The following FBXO7 variants were observed in gnomAD, a reference collection of about 807,000 sequenced individuals.
FBXO7 encodes the protein F-box only protein 7.
In FBXO7, 31 loss-of-function variants were observed where a neutral mutation model predicts 50.2. The ratio of observed to expected loss-of-function variants is 0.62; its 90% CI spans 0.46 to 0.83. The LOEUF (loss-of-function observed/expected upper bound fraction) is 0.83, where lower values mean the gene tolerates loss of function less well. Ranked by LOEUF, FBXO7 falls within the 40% of genes least tolerant of loss-of-function variation. The pLI, the probability that FBXO7 is intolerant of heterozygous loss-of-function variation, is 0.00. For synonymous variants in FBXO7, 256 were observed against 253.1 expected (o/e 1.01, Z -0.11); for missense variants, 667 against 646.6 (o/e 1.03, Z -0.34).
intron 3 of FBXO7, among the ~76,000 whole-genome samples, chr22:32,484,520 G>A (rs916215208): frequency 1.3e-5 from 2 of 152,182 alleles, no homozygotes; most frequent in African/African-American, 4.8e-5. Context: ...AGCATGCCAT[G>A]CACTGACCTA....
chr22:32,475,236 A>G, intron 1 of FBXO7, 112 bp downstream of exon 1: 6 of 1,524,540 alleles, frequency 3.9e-6, no homozygotes, highest in Non-Finnish European at 5.3e-6. Context: ...GCCGGGCGAT[A>G]GGCCAAGTGC....
At chr22:32,498,103 ACTTAC>A (rs781617423) in intron 8 of FBXO7, 36 bp from the exon 9 acceptor site, 2 of 1,603,788 alleles carry the variant, frequency 1.2e-6, no homozygotes, top group Admixed American at 3.3e-5. Context: ...CATCCAGATC[ACTTAC>A]CTTATCTTGT....
At chr22:32,491,417 G>T in intron 6 of FBXO7, 1 of 450,482 alleles carries the variant, frequency 2.2e-6, no homozygotes, top group East Asian at 4.5e-5. Flanking sequence ...TTGTTGATAT[G>T]ATTTCTTTCC....
chr22:32,475,413 C>T (rs769820851), intron 1 of FBXO7: 1 of 1,610,998 alleles, frequency 6.2e-7, no homozygotes, highest in Non-Finnish European at 8.5e-7. Context: ...GTCATGGCTT[C>T]TGGTTTTGCA....
At chr22:32,492,199 A>G (rs996657715) in intron 6 of FBXO7, 1 of 152,226 alleles carries the variant, frequency 6.6e-6, no homozygotes, top group Admixed American at 6.5e-5. Context: ...ATATGAATAG[A>G]TAGTGGCTTT....
intron 7 of FBXO7, among the ~76,000 whole-genome samples, 165 bp from the exon 8 acceptor site, chr22:32,495,328 G>A (rs1268555888): frequency 1.3e-5 from 2 of 150,322 alleles, no homozygotes; most frequent in Non-Finnish European, 1.5e-5. Context: ...AATTAGATAA[G>A]AAAGTACAAA....
intron 8 of FBXO7, among the ~76,000 whole-genome samples, chr22:32,495,884 A>G (rs1019022917): frequency 2.0e-5 from 3 of 152,230 alleles, no homozygotes; most frequent in Non-Finnish European, 2.9e-5. Context: ...GTACTATTCT[A>G]ATGTCTCTAT....
chr22:32,495,529 A>G lies in FBXO7; in HGVS notation c.1181A>G (p.Glu394Gly). ...TVRVQDTDWK[E>G]LYRKRHIQRK... ...AGAGTTCAAGACACAGATTGGAAAGAAGTAGGTATTTTTAAATATTAAGAC... is the reference window on the plus strand; with the variant it reads ...AGAGTTCAAGACACAGATTGGAAAGGAGTAGGTATTTTTAAATATTAAGAC... Residue 394 changes from glutamate (E) to glycine (G), a missense_variant and splice_region_variant, in exon 8 of 9, where the codon GAA becomes GGA. Physicochemically the swap from Glu to Gly is moderately conservative, Grantham distance 98. Coordinates refer to ENST00000266087, the MANE Select transcript of FBXO7 (RefSeq NM_012179.4). 1 of 1,546,162 alleles carries G rather than the reference A, an allele frequency of 6.5e-7. No homozygotes were observed. Among genetic ancestry groups the G allele is most frequent in the Non-Finnish European group, 8.9e-7 (1 of 1,125,784 alleles).
intron 1 of FBXO7, chr22:32,476,104 G>A (rs940864593): frequency 6.6e-6 from 1 of 151,934 alleles, no homozygotes; most frequent in African/African-American, 2.4e-5. Flanking sequence ...TTATTTTTAG[G>A]GAATTGGGTA....
rs1186144924 is a variant in FBXO7, at chr22:32,483,995, T to C, written c.516T>C (p.Ser172=). ...GFYPSEPMLC[S]ESVEGQVPHS... is the part of the protein sequence containing the mutation. ...ATCCCTCAGAACCCATGCTCTGTAG[T>C]GAATCGGTGGAAGGGCAAGTGCCAC... Residue 172 remains serine, a synonymous_variant, in exon 3 of 9, where the codon AGT becomes AGC. Coordinates refer to ENST00000266087, the MANE Select transcript of FBXO7 (RefSeq NM_012179.4). 1 of 1,614,192 alleles carries C rather than the reference T, an allele frequency of 6.2e-7. No homozygotes were observed.
chr22:32,498,084 A>G, intron 8 of FBXO7, 60 bp from the exon 9 acceptor site: 1 of 1,573,256 alleles, frequency 6.4e-7, no homozygotes. Flanking sequence ...AATTAGAACT[A>G]AAGGGAAACA....
At chr22:32,497,949 C>T (rs1192396655) in intron 8 of FBXO7, among the ~76,000 whole-genome samples, 195 bp from the exon 9 acceptor site, 4 of 152,164 alleles carry the variant, frequency 2.6e-5, no homozygotes, top group African/African-American at 9.7e-5. Context: ...ATAGTGTAAA[C>T]ATAGCATAGC....
rs1190819881 is a variant in FBXO7, at chr22:32,479,141, C to T, written c.283C>T (p.His95Tyr). ...PNIPSSTDSEHSSLQNNEQPS... is the reference protein window; with the variant it reads ...PNIPSSTDSEYSSLQNNEQPS... ...TATACCTTCATCCACAGATTCAGAGCATTCTTCACTCCAGAATAATGAGCA... is the reference window on the plus strand; with the variant it reads ...TATACCTTCATCCACAGATTCAGAGTATTCTTCACTCCAGAATAATGAGCA... The change falls in exon 2 of 9, where the codon CAT becomes TAT. Residue 95 changes from histidine to tyrosine, a missense_variant. Coordinates refer to ENST00000266087, the MANE Select transcript of FBXO7 (RefSeq NM_012179.4). 2 of 1,614,136 alleles carry T rather than the reference C, an allele frequency of 1.2e-6. No homozygotes were observed. The highest frequency in any genetic ancestry group is 3.3e-5 in the Admixed American group (2 of 60,012).
At chr22:32,475,233 G>T (rs1242510206) in intron 1 of FBXO7, 109 bp downstream of exon 1, 2 of 1,523,602 alleles carry the variant, frequency 1.3e-6, no homozygotes, top group Non-Finnish European at 1.8e-6. Flanking sequence ...GTGGCCGGGC[G>T]ATAGGCCAAG....
rs536906342 is a variant in FBXO7 at position 32,482,060 on chromosome 22, T to C, written c.418-1837T>C. 2.0e-5 allele frequency among the ~76,000 whole-genome samples: 3 copies of C among 152,296 alleles called. No homozygotes were observed. In the South Asian group the frequency reaches 6.2e-4, roughly 32 times the overall value. On this transcript the variant is annotated intron_variant, in intron 2 of 8. Transcript: ENST00000266087. The stretch of plus-strand genomic sequence containing the variant: ...GTACCCTTTTTCATTTTTCCTCATA[T>C]ATTCTGTCCCACACAACTGCCAATA...
intron 2 of FBXO7, among the ~76,000 whole-genome samples, chr22:32,481,121 G>A (rs950324200): frequency 3.3e-5 from 5 of 151,888 alleles, no homozygotes; most frequent in Admixed American, 2.6e-4. Flanking sequence ...AAGTATTCAT[G>A]GTAACTTGTC....
intron 2 of FBXO7, among the ~76,000 whole-genome samples, chr22:32,481,169 A>G (rs2057462415): frequency 6.6e-6 from 1 of 151,776 alleles, no homozygotes; most frequent in Non-Finnish European, 1.5e-5. Context: ...AATACTTTTT[A>G]ATAGATTGGT....
At chr22:32,488,015 GTTTGT>G in intron 5 of FBXO7, 187 bp downstream of exon 5, 2 of 555,102 alleles carry the variant, frequency 3.6e-6, no homozygotes, top group Non-Finnish European at 6.5e-6. Context: ...AATTTGAGGA[GTTTGT>G]TTCTTTCCTG....
intron 1 of FBXO7, 24 bp downstream of exon 1, chr22:32,475,148 G>A: frequency 6.5e-7 from 1 of 1,535,924 alleles, no homozygotes; most frequent in African/African-American, 1.4e-5. Context: ...GGGGCTGGGC[G>A]GCCCGCGGGG....
Sources: allele counts gnomAD v4.1 joint callset (sites outside exome capture counted in the v4.1 genomes callset), GRCh38; gene constraint gnomAD v4.1.1; transcripts MANE v1.5; gene names NCBI Gene and HGNC (gene_info 2026-07-23, HGNC 2026-07-21).